Variants in DNAH11 observed in about 807,000 individuals in gnomAD.
The protein encoded by DNAH11 is dynein axonemal heavy chain 11, also known as axonemal beta dynein heavy chain 11.
In DNAH11, 442 loss-of-function variants were observed where a neutral mutation model predicts 526.0. The ratio of observed to expected loss-of-function variants is 0.84; its 90% confidence interval spans 0.78 to 0.91. The LOEUF is 0.91. DNAH11 is among the 40% of genes least tolerant of loss of function. The probability of loss-of-function intolerance (pLI) is 0.00; values close to 1 mark genes in which losing one functional copy is unlikely to be tolerated. For synonymous variants in DNAH11, 2,461 were observed against 1,935.9 expected, an observed-to-expected ratio of 1.27 and a Z score of -7.12; for missense variants, 6,989 against 5,448.7, an observed-to-expected ratio of 1.28 and a Z score of -8.90.
chr7:21,564,202 A>G lies in DNAH11; in HGVS notation c.999A>G (p.Gln333=). 3 of 1,589,894 alleles carry G rather than the reference A, an allele frequency of 1.9e-6. No homozygotes were observed. The highest frequency in any genetic ancestry group is 2.2e-5 in the East Asian group (1 of 44,490). ...TGCTTTCAGCTCTTCTCGAAGCCCA[A>G]GATGTGGAACTTTACCTGAGACCTC... ...LAVENALLEA[Q]DVELYLRPLR... Residue 333 remains glutamine (Q), a synonymous_variant, in exon 6 of 82, where the codon CAA becomes CAG. Coordinates refer to ENST00000409508, the MANE Select transcript of DNAH11 (RefSeq NM_001277115.2).
At chr7:21,807,137 A>G (rs1212954680) in intron 62 of DNAH11, among the ~76,000 whole-genome samples, 3 of 152,202 alleles carry the variant, frequency 2.0e-5, no homozygotes, top group Non-Finnish European at 4.4e-5. Context: ...AAAATAGGTA[A>G]GTAAATAAAA....
At chr7:21,796,098 A>G (rs916215753) in intron 61 of DNAH11, among the ~76,000 whole-genome samples, 13 of 152,170 alleles carry the variant, frequency 8.5e-5, no homozygotes, top group Non-Finnish European at 1.6e-4. Flanking sequence ...GTTAAGAGGT[A>G]AGTGTTTGTC....
chr7:21,762,965 G>T (rs939117208), intron 54 of DNAH11, among the ~76,000 whole-genome samples: 1 of 152,174 alleles, frequency 6.6e-6, no homozygotes, highest in African/African-American at 2.4e-5. Flanking sequence ...TTTGCCAGCT[G>T]TGTATTTGAT....
chr7:21,879,740 T>A (rs1240788422), intron 74 of DNAH11, among the ~76,000 whole-genome samples: 2 of 152,136 alleles, frequency 1.3e-5, no homozygotes, highest in Non-Finnish European at 2.9e-5. Flanking sequence ...CTGCCATACC[T>A]AACTCAAGTT....
chr7:21,748,786 C>T (rs1231186029), intron 52 of DNAH11, 44 bp downstream of exon 52: 5 of 1,566,522 alleles, frequency 3.2e-6, no homozygotes, highest in East Asian at 2.3e-5. Flanking sequence ...TTCTGCTTGG[C>T]AGATAAAGCC....
chr7:21,584,844 C>T (rs1784430797), intron 9 of DNAH11, among the ~76,000 whole-genome samples: 1 of 152,100 alleles, frequency 6.6e-6, no homozygotes, highest in African/African-American at 2.4e-5. Flanking sequence ...AAAATTTTTT[C>T]TTGCCTTTAT....
At chr7:21,690,041 G>T (rs1783546527) in intron 34 of DNAH11, among the ~76,000 whole-genome samples, 2 of 152,156 alleles carry the variant, frequency 1.3e-5, no homozygotes, top group South Asian at 4.1e-4. Context: ...GACAGTAATA[G>T]CATTAGTCAT....
At chr7:21,827,804 AGTTG>A (rs1420925076) in intron 65 of DNAH11, among the ~76,000 whole-genome samples, 1 of 152,130 alleles carries the variant, frequency 6.6e-6, no homozygotes, top group East Asian at 1.9e-4. Context: ...CTGTTCTTGG[AGTTG>A]ACGCCATGCA....
Position 21,792,051 on chromosome 7 carries a change from G to A in DNAH11, c.10026+2709G>A, listed in dbSNP as rs138455595. On this transcript the variant is annotated intron_variant, in intron 61 of 81. Coordinates refer to ENST00000409508, the MANE Select transcript of DNAH11 (RefSeq NM_001277115.2). ...CAGGCATCTTACATGGCAGAAGCAG[G>A]AGTGACAGATGGGCCTTTTTTGTGT... Among the ~76,000 whole-genome samples, 430 of 152,318 alleles carry A rather than the reference G, an allele frequency of 2.8e-3. 4 individuals are homozygous for A. The highest frequency in any genetic ancestry group is 9.5e-3 in the African/African-American group (394 of 41,566).
Position 21,854,368 on chromosome 7 carries a change from C to G in DNAH11, c.11115C>G (p.Tyr3705Ter). 6.2e-7 allele frequency: 1 copy of G among 1,613,766 alleles called. No homozygotes were observed. Among genetic ancestry groups the G allele is most frequent in the Non-Finnish European group, 8.5e-7 (1 of 1,179,820 alleles). ...AAATCAACGAGGCCCGAGAATGTTA[C>G]AGACCAGTGGCAGCAAGAGCATCTC... ...ERKINEARECYRPVAARASLL... is the reference protein window; with the variant it reads ...ERKINEAREC The change falls in exon 68 of 82, where the codon TAC becomes TAG. Residue 3705 changes from tyrosine to a stop codon, truncating the protein, a stop_gained. Coordinates refer to ENST00000409508, the MANE Select transcript of DNAH11 (RefSeq NM_001277115.2). LOFTEE classifies it high-confidence loss of function.
At position 21,741,269 on chromosome 7, in the gene DNAH11, G is replaced by A. The variant is rs138511738; in HGVS notation, c.7915-658G>A. Among the ~76,000 whole-genome samples, 73 of 152,056 alleles carry A rather than the reference G, an allele frequency of 4.8e-4. 1 individual carries two copies. The East Asian group carries it at 0.012, about 26-fold the overall frequency. ...ATTTAAGATTTCTCCATGTCTTTCC[G>A]TGGCTTGATAGTGCGTCTGTTTTTA... On this transcript the variant is annotated intron_variant, in intron 48 of 81. Coordinates refer to ENST00000409508, the MANE Select transcript of DNAH11 (RefSeq NM_001277115.2).
At chr7:21,595,550 A>G (rs1023287348) in intron 14 of DNAH11, among the ~76,000 whole-genome samples, 2 of 152,248 alleles carry the variant, frequency 1.3e-5, no homozygotes, top group South Asian at 2.1e-4. Context: ...ACATTTTGTC[A>G]TGATCAACTG....
intron 28 of DNAH11, among the ~76,000 whole-genome samples, chr7:21,649,491 C>G (rs1353534167): frequency 6.6e-6 from 1 of 152,004 alleles, no homozygotes; most frequent in Non-Finnish European, 1.5e-5. Context: ...TAGTGGTATA[C>G]CAAATAACAT....
chr7:21,739,275 A>T (rs994504114), intron 47 of DNAH11, among the ~76,000 whole-genome samples: 1 of 152,216 alleles, frequency 6.6e-6, no homozygotes, highest in Non-Finnish European at 1.5e-5. Context: ...ACATCCATGG[A>T]GTCTTGCTAT....
chr7:21,703,967 A>G (rs547617282), intron 37 of DNAH11, among the ~76,000 whole-genome samples: 3 of 152,158 alleles, frequency 2.0e-5, no homozygotes, highest in Non-Finnish European at 4.4e-5. Flanking sequence ...TGTAGAAGTT[A>G]TCCTGACGTT....
chr7:21,901,013 G>C lies in DNAH11; in HGVS notation c.13310G>C (p.Arg4437Pro). The C allele has an allele frequency of 1.3e-6, 2 of 1,591,276 alleles. No individual in the cohort carries two copies. The highest frequency in any genetic ancestry group is 1.7e-6 in the Non-Finnish European group (2 of 1,168,448). ...CGCTGTGTTTTTGCCATAGGCGCCCGCTGGGACACCCAAGCAGGAACCATT... is the reference window on the plus strand; with the variant it reads ...CGCTGTGTTTTTGCCATAGGCGCCCCCTGGGACACCCAAGCAGGAACCATT... ...YLHGLFMEGA[R>P]WDTQAGTIVE... Residue 4437 changes from arginine (R) to proline (P), a missense_variant, in exon 82 of 82, where the codon CGC (arginine) becomes CCC (proline). Physicochemically the swap from Arg to Pro is moderately radical, Grantham distance 103. Transcript: ENST00000409508.
chr7:21,782,976 C>G (rs554185000), intron 57 of DNAH11, among the ~76,000 whole-genome samples: 1 of 148,794 alleles, frequency 6.7e-6, no homozygotes, highest in Admixed American at 6.7e-5. Flanking sequence ...TATCCAGTAC[C>G]AAAAATCTAT....
intron 75 of DNAH11, among the ~76,000 whole-genome samples, chr7:21,881,638 A>T (rs925819383): frequency 6.6e-6 from 1 of 152,236 alleles, no homozygotes; most frequent in Non-Finnish European, 1.5e-5. Context: ...ACATGTGTCA[A>T]AACCAGTCAA....
At chr7:21,887,576 A>C (rs1454557218) in intron 76 of DNAH11, among the ~76,000 whole-genome samples, 1 of 152,202 alleles carries the variant, frequency 6.6e-6, no homozygotes, top group Non-Finnish European at 1.5e-5. Flanking sequence ...ATAATCTACA[A>C]AACCAGAATG....
Sources: allele counts gnomAD v4.1 joint callset (sites outside exome capture counted in the v4.1 genomes callset), GRCh38; gene constraint gnomAD v4.1.1; transcripts MANE v1.5; gene names NCBI Gene and HGNC (gene_info 2026-07-23, HGNC 2026-07-21).